CSMD1: variants seen among roughly 807,000 people sequenced by gnomAD.
CSMD1 encodes the protein CUB and sushi domain-containing protein 1.
In CSMD1, 213 loss-of-function variants were observed where a neutral mutation model predicts 417.5. The observed-to-expected ratio is 0.51, with a 90% CI of 0.46 to 0.57. CSMD1 has a LOEUF of 0.57. CSMD1 is among the 20% of genes least tolerant of loss of function. CSMD1 has a pLI of 0.00. For synonymous variants in CSMD1, 2,862 were observed against 1,736.8 expected, an observed-to-expected ratio of 1.65 and a Z score of -16.11; for missense variants, 6,923 against 4,529.7, an observed-to-expected ratio of 1.53 and a Z score of -15.17.
chr8:3,926,092 CA>C (rs1809673920), intron 5 of CSMD1, among the ~76,000 whole-genome samples: 7 of 49,532 alleles, frequency 1.4e-4, no homozygotes, highest in African/African-American at 8.1e-4. Context: ...TACACACACA[CA>C]CACACACACA....
chr8:4,450,194 T>C lies in CSMD1; in HGVS notation c.303-30129A>G, dbSNP rs188938885. Among the ~76,000 whole-genome samples the C allele has an allele frequency of 7.2e-5, 11 of 152,286 alleles. No homozygotes were observed. In the East Asian group the frequency reaches 7.8e-4, roughly 11 times the overall value. On this transcript the variant is annotated intron_variant, in intron 2 of 69. Transcript: ENST00000635120. ...AGAGTAAAACCGAACTGGGCAACAA[T>C]TGAAGTTACAGAGTACCTATATGTG...
chr8:3,248,395 G>A (rs1229681661), intron 26 of CSMD1, among the ~76,000 whole-genome samples: 1 of 152,048 alleles, frequency 6.6e-6, no homozygotes, highest in African/African-American at 2.4e-5. Context: ...TCCCACCTAT[G>A]AAGTCCTTTA....
chr8:3,758,315 A>G (rs928451847), intron 5 of CSMD1, among the ~76,000 whole-genome samples: 1 of 152,188 alleles, frequency 6.6e-6, no homozygotes, highest in Non-Finnish European at 1.5e-5. Context: ...TAGACCAATT[A>G]TACAATCCAT....
Position 3,890,483 on chromosome 8 carries a change from A to T in CSMD1, c.818+107420T>A, listed in dbSNP as rs545077368. Among the ~76,000 whole-genome samples, 3 of 152,000 alleles carry T rather than the reference A, an allele frequency of 2.0e-5. 1 individual carries two copies. In the South Asian group the frequency reaches 6.3e-4, roughly 32 times the overall value. On this transcript the variant is annotated intron_variant, in intron 5 of 69. Coordinates refer to ENST00000635120, the MANE Select transcript of CSMD1 (RefSeq NM_033225.6). ...CCAGCTGAGTGAGGGAAGTTTTGAA[A>T]ATGAAGGAAGGCATTGAGGCACACT...
At chr8:4,275,673 G>A (rs762832114) in intron 3 of CSMD1, among the ~76,000 whole-genome samples, 11 of 151,994 alleles carry the variant, frequency 7.2e-5, no homozygotes, top group Non-Finnish European at 7.4e-5. Context: ...AATTGTATAC[G>A]TTTTGCAAAG....
At chr8:4,667,375 T>C (rs1390534199) in intron 1 of CSMD1, among the ~76,000 whole-genome samples, 3 of 152,044 alleles carry the variant, frequency 2.0e-5, no homozygotes. Context: ...AGTGAATTTG[T>C]CCTTTTCTTC....
At chr8:4,379,769 A>G (rs17070105) in intron 3 of CSMD1, among the ~76,000 whole-genome samples, 126,626 of 152,102 alleles carry the variant, frequency 0.83, 53,224 homozygotes, top group African/African-American at 0.95. Flanking sequence ...TATGGCCCAC[A>G]CTTTAGGTCC....
At chr8:3,908,384 G>C (rs1041732380) in intron 5 of CSMD1, among the ~76,000 whole-genome samples, 4 of 152,112 alleles carry the variant, frequency 2.6e-5, no homozygotes, top group African/African-American at 9.7e-5. Flanking sequence ...TTCCCAATGG[G>C]AATCTGATAA....
rs1808718091 is a variant in CSMD1, at chr8:4,951,123, C to T, written c.85+43209G>A. On this transcript the variant is annotated intron_variant, in intron 1 of 69. Coordinates refer to ENST00000635120, the MANE Select transcript of CSMD1 (RefSeq NM_033225.6). ...GAAAAAAATGTCCATCTTTCTGACA[C>T]ACACCCTCCTCTTGGACTGTCCCCT... Among the ~76,000 whole-genome samples the T allele has an allele frequency of 2.0e-5, 3 of 152,116 alleles. No individual in the cohort carries two copies. In the South Asian group the frequency reaches 6.2e-4, roughly 31 times the overall value.
At chr8:4,058,267 T>C (rs1473607384) in intron 3 of CSMD1, among the ~76,000 whole-genome samples, 8 of 152,194 alleles carry the variant, frequency 5.3e-5, no homozygotes, top group Non-Finnish European at 1.2e-4. Flanking sequence ...GTAAGTTGGA[T>C]TCCTAGGTAT....
At chr8:4,917,569 G>C (rs1226507377) in intron 1 of CSMD1, among the ~76,000 whole-genome samples, 1 of 152,182 alleles carries the variant, frequency 6.6e-6, no homozygotes, top group African/African-American at 2.4e-5. Context: ...AGGAAGCGGA[G>C]GTTGCAGTGA....
In CSMD1 at chr8:3,901,515, C is replaced by G. The variant is rs17067879; in HGVS notation, c.818+96388G>C. Among the ~76,000 whole-genome samples, 1,388 of 152,278 alleles carry G rather than the reference C, an allele frequency of 9.1e-3. 19 individuals carry two copies. The highest frequency in any genetic ancestry group is 0.027 in the African/African-American group (1,114 of 41,558). ...TGTCAGTTCTGAACCAAGGGAGCCACGCTTTGGAACATGTACACCAACCTG... is the reference window on the plus strand; with the variant it reads ...TGTCAGTTCTGAACCAAGGGAGCCAGGCTTTGGAACATGTACACCAACCTG... On this transcript the variant is annotated intron_variant, in intron 5 of 69. Coordinates refer to ENST00000635120, the MANE Select transcript of CSMD1 (RefSeq NM_033225.6).
intron 1 of CSMD1, among the ~76,000 whole-genome samples, chr8:4,954,596 T>A (rs775281684): frequency 5.9e-5 from 9 of 152,184 alleles, no homozygotes; most frequent in Non-Finnish European, 1.3e-4. Context: ...CTTTTATACT[T>A]TCTAAAAGAA....
At chr8:4,400,228 C>T (rs1230650007) in intron 3 of CSMD1, among the ~76,000 whole-genome samples, 1 of 152,164 alleles carries the variant, frequency 6.6e-6, no homozygotes, top group East Asian at 1.9e-4. Context: ...AAGTTGCAAA[C>T]TTATGGACAT....
chr8:4,174,903 G>C (rs887565306), intron 3 of CSMD1, among the ~76,000 whole-genome samples: 1 of 150,674 alleles, frequency 6.6e-6, no homozygotes, highest in South Asian at 2.1e-4. Flanking sequence ...GCCACACTCT[G>C]ACATCTTTGC....
At chr8:4,731,580 G>A (rs1264804218) in intron 1 of CSMD1, among the ~76,000 whole-genome samples, 1 of 152,022 alleles carries the variant, frequency 6.6e-6, no homozygotes, top group Non-Finnish European at 1.5e-5. Flanking sequence ...AATATTTTGA[G>A]GAGTGTGAGG....
intron 26 of CSMD1, among the ~76,000 whole-genome samples, chr8:3,239,439 C>T (rs1428051114): frequency 6.6e-6 from 1 of 152,154 alleles, no homozygotes; most frequent in South Asian, 2.1e-4. Context: ...GGAAAGGCCT[C>T]TACTTATCCA....
intron 12 of CSMD1, among the ~76,000 whole-genome samples, chr8:3,413,749 G>A (rs1208797517): frequency 6.6e-6 from 1 of 152,164 alleles, no homozygotes; most frequent in Non-Finnish European, 1.5e-5. Context: ...TTCAGGTAGA[G>A]TAGAAGATGA....
chr8:4,444,142 G>C (rs575814401), intron 2 of CSMD1, among the ~76,000 whole-genome samples: 9 of 151,838 alleles, frequency 5.9e-5, no homozygotes, highest in African/African-American at 1.9e-4. Flanking sequence ...AGAAATTTGA[G>C]ACCACTCTGG....
Sources: allele counts gnomAD v4.1 joint callset (sites outside exome capture counted in the v4.1 genomes callset), GRCh38; gene constraint gnomAD v4.1.1; transcripts MANE v1.5; gene names NCBI Gene and HGNC (gene_info 2026-07-23, HGNC 2026-07-21).